The following PCDH15 variants were observed in gnomAD, a reference collection of about 807,000 sequenced individuals.
PCDH15 encodes protocadherin related 15.
A neutral mutation model predicts 178.5 loss-of-function variants in PCDH15; 129 were observed. The ratio of observed to expected loss-of-function variants is 0.72; its 90% CI spans 0.63 to 0.84. PCDH15 has a LOEUF of 0.84. Ranked by LOEUF, PCDH15 falls within the 40% of genes least tolerant of loss-of-function variation. The pLI, the probability that PCDH15 is intolerant of heterozygous loss-of-function variation, is 0.00. For synonymous variants in PCDH15, 800 were observed against 732.0 expected, an observed-to-expected ratio of 1.09 and a Z score of -1.50; for missense variants, 2,230 against 2,099.9, an observed-to-expected ratio of 1.06 and a Z score of -1.21.
At chr10:55,625,093 T>A (rs1010156652) in intron 2 of PCDH15, among the ~76,000 whole-genome samples, 9 of 152,124 alleles carry the variant, frequency 5.9e-5, no homozygotes, top group Non-Finnish European at 1.2e-4. Context: ...TAATGTTTAG[T>A]TAAAGCTATC....
intron 28 of PCDH15, among the ~76,000 whole-genome samples, chr10:53,849,182 C>A (rs1281477490): frequency 6.6e-6 from 1 of 151,974 alleles, no homozygotes; most frequent in African/African-American, 2.4e-5. Context: ...AATACACCAC[C>A]TAAATGTAGC....
chr10:54,772,346 C>A (rs1012034742), intron 1 of PCDH15, among the ~76,000 whole-genome samples: 5 of 151,870 alleles, frequency 3.3e-5, no homozygotes, highest in African/African-American at 1.2e-4. Context: ...AAAGTAAAGT[C>A]TTTGTAAAAT....
chr10:54,132,840 T>TACAC lies in PCDH15; in HGVS notation c.1917+31_1917+34dup, dbSNP rs5785040. 161,927 of 1,493,460 alleles carry TACAC rather than the reference T, an allele frequency of 0.11. 6,173 individuals are homozygous for TACAC. Among genetic ancestry groups the TACAC allele is most frequent in the East Asian group, 0.49 (19,351 of 39,372 alleles). 92.5% of individuals were successfully genotyped at this position (1,493,460 alleles called of 1,614,324 possible). On this transcript the variant is annotated intron_variant, in intron 15 of 37. Transcript: ENST00000644397. Reference sequence around the variant, plus strand: ...GCCAAGCTTGTCACTTTAGAATTTATACACACACACACACACACACACCAA... The same window carrying TACAC: ...GCCAAGCTTGTCACTTTAGAATTTATACACACACACACACACACACACACACCAA...
intron 2 of PCDH15, among the ~76,000 whole-genome samples, chr10:55,441,015 A>G (rs928495844): frequency 6.6e-6 from 1 of 152,134 alleles, no homozygotes; most frequent in African/African-American, 2.4e-5. Flanking sequence ...TCCACACAAC[A>G]TATGGGAATT....
At chr10:53,897,959 C>CTTTTTTTTTTTTTTTTTTT (rs66513139) in intron 26 of PCDH15, among the ~76,000 whole-genome samples, 5 of 82,412 alleles carry the variant, frequency 6.1e-5, no homozygotes, top group East Asian at 4.5e-4. Context: ...TTTCTTTTCC[C>CTTTTTTTTTTTTTTTTTTT]TTTTTTTTTT....
In PCDH15 at chr10:55,205,449, A is replaced by AAT. The variant is rs549923109; in HGVS notation, c.-155-38800_-155-38799dup. Among the ~76,000 whole-genome samples, 645 of 152,100 alleles carry AAT rather than the reference A, an allele frequency of 4.2e-3. 6 individuals are homozygous for AAT. The highest frequency in any genetic ancestry group is 0.015 in the African/African-American group (611 of 41,452). ...TTACTGAGAATCTAATAGGAGATCT[A>AAT]ATATATATATGTGTGTGTTCATATA... is the stretch of plus-strand genomic sequence containing the variant. On this transcript the variant is annotated intron_variant, in intron 1 of 5. Transcript: ENST00000458638.
intron 1 of PCDH15, among the ~76,000 whole-genome samples, chr10:54,750,131 G>C (rs925014547): frequency 6.6e-6 from 1 of 151,684 alleles, no homozygotes; most frequent in Admixed American, 6.6e-5. Context: ...CTTTCTTCCA[G>C]TTTCCTTTAT....
chr10:54,074,782 A>G (rs2135903114), intron 17 of PCDH15, among the ~76,000 whole-genome samples: 1 of 152,306 alleles, frequency 6.6e-6, no homozygotes, highest in East Asian at 1.9e-4. Context: ...TGTTTTCCAC[A>G]GTGGTTGTAC....
chr10:55,094,399 G>C (rs1256755824), intron 2 of PCDH15, among the ~76,000 whole-genome samples: 1 of 151,978 alleles, frequency 6.6e-6, no homozygotes, highest in African/African-American at 2.4e-5. Context: ...TGTGGGGTAG[G>C]GGGATGGGGG....
chr10:55,345,155 C>CTATA (rs879543779), intron 2 of PCDH15, among the ~76,000 whole-genome samples: 1 of 151,368 alleles, frequency 6.6e-6, no homozygotes, highest in African/African-American at 2.4e-5. Flanking sequence ...CTCTCTCTCT[C>CTATA]TCTATATATA....
At chr10:55,443,818 T>G (rs911546626) in intron 2 of PCDH15, among the ~76,000 whole-genome samples, 2 of 152,166 alleles carry the variant, frequency 1.3e-5, no homozygotes, top group Admixed American at 6.5e-5. Context: ...CATTCTACTA[T>G]AAAGACACAT....
intron 2 of PCDH15, among the ~76,000 whole-genome samples, chr10:55,070,148 G>A (rs1330947626): frequency 3.3e-5 from 5 of 151,378 alleles, no homozygotes; most frequent in South Asian, 2.1e-4. Flanking sequence ...TTGTAAATTT[G>A]TTTGAGTTCA....
intron 1 of PCDH15, among the ~76,000 whole-genome samples, chr10:54,709,272 G>A (rs554057716): frequency 1.2e-4 from 19 of 152,024 alleles, no homozygotes; most frequent in East Asian, 1.2e-3. Flanking sequence ...AATTTTATAC[G>A]TAAGTAAAGA....
intron 2 of PCDH15, among the ~76,000 whole-genome samples, chr10:55,119,288 T>C (rs1053146722): frequency 6.6e-6 from 1 of 152,144 alleles, no homozygotes; most frequent in Non-Finnish European, 1.5e-5. Context: ...TATTCTTCAG[T>C]CTTCAGTGGC....
intron 16 of PCDH15, 33 bp downstream of exon 16, chr10:54,089,951 T>G: frequency 6.6e-7 from 1 of 1,525,110 alleles, no homozygotes; most frequent in African/African-American, 1.4e-5. Context: ...TTGCTGTACA[T>G]TTTTTTAAAG....
chr10:54,826,314 G>C (rs1386769783), intron 3 of PCDH15, among the ~76,000 whole-genome samples: 1 of 151,804 alleles, frequency 6.6e-6, no homozygotes, highest in African/African-American at 2.4e-5. Flanking sequence ...AATTCTTCCT[G>C]ACATAAAGAT....
chr10:54,107,438 C>T (rs2174718), intron 15 of PCDH15, among the ~76,000 whole-genome samples: 87,326 of 152,096 alleles, frequency 0.57, 25,915 homozygotes, highest in Middle Eastern at 0.67. Flanking sequence ...GAATCAGAAC[C>T]CCAGAGGGGG....
chr10:54,588,137 T>A (rs938420344), intron 2 of PCDH15, among the ~76,000 whole-genome samples: 1 of 152,160 alleles, frequency 6.6e-6, no homozygotes, highest in Non-Finnish European at 1.5e-5. Flanking sequence ...TAACTTATTA[T>A]CTGTTTGTTT....
rs59479208 is a variant in PCDH15, at chr10:54,796,222, TTATCTATCTATCTATCTATC to T, written c.-29+4683_-29+4702del. ...AGGCTCTCTTCTCTGTCTTTCTACA[TTATCTATCTATCTATCTATC>T]TATCTATCTATCTATCTATCTATCT... On this transcript the variant is annotated intron_variant, in intron 1 of 37. Coordinates refer to ENST00000644397, the MANE Select transcript of PCDH15 (RefSeq NM_001384140.1). Among the ~76,000 whole-genome samples the T allele has an allele frequency of 7.7e-3, 959 of 125,338 alleles. 13 individuals carry two copies. The highest frequency in any genetic ancestry group is 0.028 in the African/African-American group (915 of 33,006). 82.2% of individuals were successfully genotyped at this position (125,338 alleles called of 152,430 possible).
Sources: allele counts gnomAD v4.1 joint callset (sites outside exome capture counted in the v4.1 genomes callset), GRCh38; gene constraint gnomAD v4.1.1; transcripts MANE v1.5; gene names NCBI Gene and HGNC (gene_info 2026-07-23, HGNC 2026-07-21).